SORCS2: variants seen among roughly 807,000 people sequenced by gnomAD.
SORCS2 encodes sortilin related VPS10 domain containing receptor 2, also known as VPS10 domain-containing receptor SorCS2.
In SORCS2, 100 loss-of-function variants were observed where a neutral mutation model predicts 141.6. The observed-to-expected ratio is 0.71, with a 90% CI of 0.60 to 0.83. SORCS2 has a LOEUF of 0.83. Ranked by LOEUF, SORCS2 falls within the 40% of genes least tolerant of loss-of-function variation. The pLI, the probability that SORCS2 is intolerant of heterozygous loss-of-function variation, is 0.00. For missense variants in SORCS2, 1,646 were observed against 1,560.2 expected, an observed-to-expected ratio of 1.05 and a Z score of -0.93; for synonymous variants, 789 against 676.9, an observed-to-expected ratio of 1.17 and a Z score of -2.57.
chr4:7,548,749 T>A (rs996615185), intron 3 of SORCS2, among the ~76,000 whole-genome samples: 1 of 152,070 alleles, frequency 6.6e-6, no homozygotes, highest in African/African-American at 2.4e-5. Context: ...CTGGCCAGCA[T>A]CCACGGTGAC....
chr4:7,519,545 G>A (rs1158640729), intron 2 of SORCS2, among the ~76,000 whole-genome samples: 1 of 152,228 alleles, frequency 6.6e-6, no homozygotes, highest in Admixed American at 6.5e-5. Context: ...AAGAGACCCA[G>A]CACGTGGCGG....
chr4:7,548,800 T>C (rs1312204078), intron 3 of SORCS2, among the ~76,000 whole-genome samples: 6 of 152,158 alleles, frequency 3.9e-5, no homozygotes, highest in African/African-American at 1.4e-4. Context: ...CTGCCATTTT[T>C]CACCAGACAA....
At chr4:7,275,924 A>T (rs1210027041) in intron 1 of SORCS2, among the ~76,000 whole-genome samples, 1 of 152,188 alleles carries the variant, frequency 6.6e-6, no homozygotes, top group African/African-American at 2.4e-5. Flanking sequence ...CTAGTGTCCG[A>T]AAAAAGAATG....
At chr4:7,433,344 C>T (rs1383266286) in intron 2 of SORCS2, 22 of 1,429,030 alleles carry the variant, frequency 1.5e-5, no homozygotes, top group Admixed American at 9.3e-5. Context: ...GGAGGTGCAT[C>T]TCTTTCCATA....
Position 7,737,166 on chromosome 4 carries a change from G to C in SORCS2, c.3409G>C (p.Val1137Leu). ...TCACAGTGAGGACGTCCAGGGCGCT[G>C]TCCAGGGTGAGGAGTTTATAGATGA... ...VSHSEDVQGA[V>L]QGNHSGVVLS... The change falls in exon 26 of 27, where the codon GTC becomes CTC. Residue 1137 changes from valine (V) to leucine (L), a missense_variant. Val to Leu is a conservative substitution (Grantham distance 32). Coordinates refer to ENST00000507866, the MANE Select transcript of SORCS2 (RefSeq NM_020777.3). 1 of 1,551,280 alleles carries C rather than the reference G, an allele frequency of 6.4e-7. No homozygotes were observed. The highest frequency in any genetic ancestry group is 1.2e-5 in the South Asian group (1 of 84,058).
intron 19 of SORCS2, among the ~76,000 whole-genome samples, chr4:7,724,918 A>ATGGCAGTG (rs1560115080): frequency 1.1e-4 from 3 of 27,828 alleles, no homozygotes; most frequent in African/African-American, 3.8e-4. Flanking sequence ...TATTGGTGGG[A>ATGGCAGTG]ATGGATGGTG....
chr4:7,194,650 C>G (rs1577262078), intron 1 of SORCS2, among the ~76,000 whole-genome samples: 1 of 151,870 alleles, frequency 6.6e-6, no homozygotes, highest in Non-Finnish European at 1.5e-5. Flanking sequence ...GCAGAGGTGG[C>G]AGGTGCCACC....
At chr4:7,585,398 A>T (rs1186923870) in intron 3 of SORCS2, among the ~76,000 whole-genome samples, 1 of 152,156 alleles carries the variant, frequency 6.6e-6, no homozygotes, top group Admixed American at 6.5e-5. Flanking sequence ...CAGAAAAGGG[A>T]ACCCAGCCTG....
At chr4:7,586,889 G>T (rs1716571917) in intron 3 of SORCS2, among the ~76,000 whole-genome samples, 1 of 152,114 alleles carries the variant, frequency 6.6e-6, no homozygotes, top group South Asian at 2.1e-4. Flanking sequence ...TTGAAGACAA[G>T]TCCTTTTCAG....
At position 7,543,829 on chromosome 4, in the gene SORCS2, T is replaced by C. The variant is rs1454349189; in HGVS notation, c.648+12200T>C. Among the ~76,000 whole-genome samples the C allele has an allele frequency of 7.5e-3, 229 of 30,648 alleles. 6 individuals are homozygous for C. The highest frequency in any genetic ancestry group is 0.02 in the African/African-American group (176 of 8,716). The allele number at this position is 30,648 out of a possible 152,430, so 20.1% of individuals were successfully genotyped here. A position where few individuals can be genotyped will look rare whatever the true frequency, so the allele number is the denominator to read the frequency against. On this transcript the variant is annotated intron_variant, in intron 3 of 26. Coordinates refer to ENST00000507866, the MANE Select transcript of SORCS2 (RefSeq NM_020777.3). ...CCATCCATCCATCCATCTACCCATC[T>C]GTCCATCCATCCACTCATCCGTCCA...
chr4:7,423,177 G>A (rs1386234552), intron 2 of SORCS2, among the ~76,000 whole-genome samples: 1 of 152,160 alleles, frequency 6.6e-6, no homozygotes, highest in African/African-American at 2.4e-5. Flanking sequence ...CTCTGACTCC[G>A]TGCTGTTTTC....
At chr4:7,458,214 C>T (rs1019602271) in intron 2 of SORCS2, among the ~76,000 whole-genome samples, 5 of 151,802 alleles carry the variant, frequency 3.3e-5, no homozygotes, top group Non-Finnish European at 5.9e-5. Context: ...CGGGGGGAGG[C>T]GGGGCTGGCA....
intron 23 of SORCS2, among the ~76,000 whole-genome samples, chr4:7,732,388 G>A (rs946976137): frequency 2.6e-5 from 4 of 152,144 alleles, no homozygotes; most frequent in Non-Finnish European, 5.9e-5. Context: ...GGGCCGGGAG[G>A]GAGTGAGAGG....
Position 7,664,293 on chromosome 4 carries a change from C to T in SORCS2, c.953-60C>T, listed in dbSNP as rs752545914. ...GGAAGATGGAGTCCAGCACATGTCT[C>T]GGGCCGTCTCTGGCTCCGGCTGGAG... is the stretch of plus-strand genomic sequence containing the variant. On this transcript the variant is annotated intron_variant, in intron 6 of 26. Coordinates refer to ENST00000507866, the MANE Select transcript of SORCS2 (RefSeq NM_020777.3). This position sits in a 1 kb window ranked among gnomAD's most constrained non-coding sequence, Gnocchi z 4.7. 61 of 1,389,936 alleles carry T rather than the reference C, an allele frequency of 4.4e-5. No individual in the cohort carries two copies. The highest frequency in any genetic ancestry group is 5.9e-5 in the Non-Finnish European group (59 of 994,748). 86.1% of individuals were successfully genotyped at this position (1,389,936 alleles called of 1,614,324 possible). A position where few individuals can be genotyped will look rare whatever the true frequency, so the allele number is the denominator to read the frequency against.
intron 1 of SORCS2, among the ~76,000 whole-genome samples, chr4:7,304,573 A>G (rs2336112): frequency 0.27 from 40,319 of 152,144 alleles, 5,766 homozygotes; most frequent in South Asian, 0.46. Context: ...GGTAGCGTTC[A>G]TGAGCCTCAT....
At chr4:7,580,380 C>G (rs1716064184) in intron 3 of SORCS2, among the ~76,000 whole-genome samples, 1 of 152,020 alleles carries the variant, frequency 6.6e-6, no homozygotes, top group Non-Finnish European at 1.5e-5. Context: ...ATCCCAGCTA[C>G]TCAGGAGGCT....
intron 2 of SORCS2, among the ~76,000 whole-genome samples, chr4:7,399,293 G>A (rs994248049): frequency 6.6e-6 from 1 of 151,602 alleles, no homozygotes; most frequent in Non-Finnish European, 1.5e-5. Flanking sequence ...GAAGGCTGGC[G>A]GTGCCCTCGT....
rs578142999 is a variant in SORCS2, at chr4:7,629,720, G to A, written c.649-8608G>A. Reference sequence around the variant, plus strand: ...TGGAGCTTCCAAATGCCTAGCCACCGTGCAGATTTCCTCTCCGAGCCCAGC... The same window carrying A: ...TGGAGCTTCCAAATGCCTAGCCACCATGCAGATTTCCTCTCCGAGCCCAGC... On this transcript the variant is annotated intron_variant, in intron 3 of 26. Coordinates refer to ENST00000507866, the MANE Select transcript of SORCS2 (RefSeq NM_020777.3). Among the ~76,000 whole-genome samples the A allele has an allele frequency of 1.4e-4, 21 of 152,006 alleles. No homozygotes were observed. The South Asian group carries it at 1.5e-3, about 11-fold the overall frequency.
At chr4:7,324,974 A>C (rs3913445) in intron 1 of SORCS2, among the ~76,000 whole-genome samples, 1 of 152,106 alleles carries the variant, frequency 6.6e-6, no homozygotes, top group African/African-American at 2.4e-5. Context: ...CCTGGCCTGG[A>C]AGGAGTCTCT....
Sources: allele counts gnomAD v4.1 joint callset (sites outside exome capture counted in the v4.1 genomes callset), GRCh38; gene constraint gnomAD v4.1.1; non-coding constraint Gnocchi (gnomAD v3.1); transcripts MANE v1.5; gene names NCBI Gene and HGNC (gene_info 2026-07-23, HGNC 2026-07-21).